The following CELF4 variants were observed in gnomAD, a reference collection of about 807,000 sequenced individuals.
The protein encoded by CELF4 is CUG-BP- and ETR-3-like factor 4.
A neutral mutation model predicts 59.9 loss-of-function variants in CELF4; 18 were observed. The observed-to-expected ratio is 0.30, with a 90% CI of 0.21 to 0.45. The LOEUF (loss-of-function observed/expected upper bound fraction) is 0.45, where lower values mean the gene tolerates loss of function less well. Ranked by LOEUF, CELF4 falls within the 20% of genes least tolerant of loss-of-function variation. The probability of loss-of-function intolerance (pLI) is 1.00; values close to 1 mark genes in which losing one functional copy is unlikely to be tolerated. For synonymous variants in CELF4, 261 were observed against 267.1 expected, an observed-to-expected ratio of 0.98 and a Z score of 0.22; for missense variants, 456 against 689.0, an observed-to-expected ratio of 0.66 and a Z score of 3.79.
intron 2 of CELF4, among the ~76,000 whole-genome samples, chr18:37,434,169 C>T (rs2099681136): frequency 6.6e-6 from 1 of 151,992 alleles, no homozygotes; most frequent in Admixed American, 6.5e-5. Context: ...ATTAATACTC[C>T]AAGAGTTAAC....
chr18:37,246,942 C>T lies in CELF4; in HGVS notation c.*45-1745G>A, dbSNP rs2062455999. 6.6e-6 allele frequency: 1 copy of T among 151,772 alleles called. No homozygotes were observed. 9.4% of individuals were successfully genotyped at this position (151,772 alleles called of 1,614,324 possible). On this transcript the variant is annotated intron_variant, in intron 12 of 12. Coordinates refer to ENST00000420428, the MANE Select transcript of CELF4 (RefSeq NM_020180.4). The surrounding 1 kb of genome is among the most constrained non-coding windows in gnomAD (Gnocchi z 5.3). ...AAAACCAAACAACAGAAAGTAAAAC[C>T]ACTGCAAGCACCAAGAACGAAACGA...
intron 2 of CELF4, among the ~76,000 whole-genome samples, chr18:37,386,291 T>A (rs1213197760): frequency 6.6e-6 from 1 of 152,178 alleles, no homozygotes; most frequent in Non-Finnish European, 1.5e-5. Context: ...ATTAACTCAA[T>A]GAAGAGGAAG....
At chr18:37,428,590 C>G (rs770864489) in intron 2 of CELF4, among the ~76,000 whole-genome samples, 1 of 152,162 alleles carries the variant, frequency 6.6e-6, no homozygotes. Flanking sequence ...ACACAAAAGC[C>G]TTTGACAGGA....
chr18:37,255,399 T>G (rs940958916), intron 11 of CELF4, among the ~76,000 whole-genome samples: 12 of 151,888 alleles, frequency 7.9e-5, no homozygotes, highest in Non-Finnish European at 1.8e-4. Context: ...CTCTCCTTCC[T>G]GCCTTGCTCA....
At chr18:37,351,088 T>A (rs555985479) in intron 2 of CELF4, among the ~76,000 whole-genome samples, 1 of 152,088 alleles carries the variant, frequency 6.6e-6, no homozygotes, top group Non-Finnish European at 1.5e-5. Context: ...TAATATTACA[T>A]TTAAAAACGC....
chr18:37,472,627 C>G (rs1054755255), intron 2 of CELF4, among the ~76,000 whole-genome samples: 1 of 152,216 alleles, frequency 6.6e-6, no homozygotes, highest in African/African-American at 2.4e-5. Flanking sequence ...AAAACTGAGG[C>G]ACAGAGAAGT....
intron 11 of CELF4, among the ~76,000 whole-genome samples, chr18:37,256,495 C>A (rs1007682932): frequency 2.6e-5 from 4 of 152,170 alleles, no homozygotes; most frequent in Admixed American, 2.0e-4. Flanking sequence ...CCCCTTTTCA[C>A]AAAGGAAGAG....
At chr18:37,297,387 G>A (rs75251788) in intron 3 of CELF4, among the ~76,000 whole-genome samples, 2,857 of 152,232 alleles carry the variant, frequency 0.019, 92 homozygotes, top group African/African-American at 0.066. Flanking sequence ...AGCCTCTCAC[G>A]CTTTCACATG....
intron 1 of CELF4, among the ~76,000 whole-genome samples, chr18:37,507,138 C>A (rs995746092): frequency 5.3e-5 from 8 of 152,202 alleles, no homozygotes; most frequent in African/African-American, 2.4e-5. Context: ...CTGTCTTGCC[C>A]ACTCAAGGCG....
Position 37,323,006 on chromosome 18 carries a change from C to G in CELF4, c.370-1125G>C, listed in dbSNP as rs11662274. Reference sequence around the variant, plus strand: ...TGTCTGTCCTGCGCTTTGAGACCTTCCGTTGCCAATTCCCTCCCGTACAGC... The same window carrying G: ...TGTCTGTCCTGCGCTTTGAGACCTTGCGTTGCCAATTCCCTCCCGTACAGC... On this transcript the variant is annotated intron_variant, in intron 2 of 12. Transcript: ENST00000420428. 4.1e-3 allele frequency among the ~76,000 whole-genome samples: 619 copies of G among 152,286 alleles called. 3 individuals are homozygous for G. The highest frequency in any genetic ancestry group is 6.7e-3 in the Non-Finnish European group (454 of 68,030).
At chr18:37,360,294 C>T (rs2098681623) in intron 2 of CELF4, among the ~76,000 whole-genome samples, 1 of 152,180 alleles carries the variant, frequency 6.6e-6, no homozygotes, top group Non-Finnish European at 1.5e-5. Flanking sequence ...CCCCAGAGAC[C>T]TGAGGGCTCT....
intron 2 of CELF4, among the ~76,000 whole-genome samples, chr18:37,467,103 T>C (rs2099811013): frequency 6.6e-6 from 1 of 152,162 alleles, no homozygotes. Context: ...GACCCCCACC[T>C]GATCCCATCC....
At chr18:37,509,874 T>C (rs2099942304) in intron 1 of CELF4, among the ~76,000 whole-genome samples, 1 of 152,238 alleles carries the variant, frequency 6.6e-6, no homozygotes, top group Non-Finnish European at 1.5e-5. Context: ...TGGATGAACC[T>C]TGAAAATATG....
intron 1 of CELF4, among the ~76,000 whole-genome samples, chr18:37,497,603 G>A (rs574700870): frequency 1.3e-4 from 19 of 148,708 alleles, no homozygotes; most frequent in Admixed American, 2.0e-4. Flanking sequence ...AGTGAGCTGA[G>A]ATCACACCAC....
chr18:37,517,085 C>T (rs1317243513), intron 1 of CELF4, among the ~76,000 whole-genome samples: 6 of 152,188 alleles, frequency 3.9e-5, no homozygotes, highest in Admixed American at 3.3e-4. Flanking sequence ...AGGCAACTGG[C>T]TCTGCAGGCT....
chr18:37,255,881 G>A (rs982097780), intron 11 of CELF4, among the ~76,000 whole-genome samples: 6 of 152,214 alleles, frequency 3.9e-5, no homozygotes, highest in Non-Finnish European at 8.8e-5. Flanking sequence ...CGTAGCGGCA[G>A]GCAGAACCAC....
intron 2 of CELF4, among the ~76,000 whole-genome samples, chr18:37,405,920 G>A (rs1261120571): frequency 2.0e-5 from 3 of 152,062 alleles, no homozygotes; most frequent in Non-Finnish European, 4.4e-5. Context: ...AATCCATCAC[G>A]AACCTAACAT....
intron 1 of CELF4, among the ~76,000 whole-genome samples, chr18:37,555,823 C>T (rs1453174328): frequency 6.6e-6 from 1 of 152,132 alleles, no homozygotes; most frequent in Non-Finnish European, 1.5e-5. Flanking sequence ...GAAAATTGAC[C>T]TTTGTTGCAT....
intron 2 of CELF4, among the ~76,000 whole-genome samples, chr18:37,374,870 T>C (rs1297729844): frequency 6.6e-6 from 1 of 151,954 alleles, no homozygotes; most frequent in Non-Finnish European, 1.5e-5. Flanking sequence ...CTCTAAATGG[T>C]GGGAGGAGGT....
Sources: gnomAD v4.1 joint callset for allele counts (sites outside exome capture counted in the v4.1 genomes callset) on GRCh38, gnomAD v4.1.1 for gene constraint, Gnocchi (gnomAD v3.1) non-coding constraint, MANE v1.5 for transcripts, NCBI Gene and HGNC (gene_info 2026-07-23, HGNC 2026-07-21) for gene names.